ZRANB3: variants seen among roughly 807,000 people sequenced by gnomAD.
ZRANB3 encodes DNA annealing helicase and endonuclease ZRANB3.
Under a neutral mutation model 133.8 loss-of-function variants are expected in ZRANB3, and 125 were observed. The observed-to-expected ratio is 0.93, with a 90% CI of 0.81 to 1.08. The LOEUF (loss-of-function observed/expected upper bound fraction) is 1.08, where lower values mean the gene tolerates loss of function less well. ZRANB3 is among the 50% of genes least tolerant of loss of function. The probability of loss-of-function intolerance (pLI) is 0.00; values close to 1 mark genes in which losing one functional copy is unlikely to be tolerated. For missense variants in ZRANB3, 1,229 were observed against 1,275.5 expected, an observed-to-expected ratio of 0.96 and a Z score of 0.56; for synonymous variants, 387 against 432.7, an observed-to-expected ratio of 0.89 and a Z score of 1.31.
chr2:135,311,285 C>T (rs570804566), intron 8 of ZRANB3, among the ~76,000 whole-genome samples: 23 of 152,058 alleles, frequency 1.5e-4, no homozygotes, highest in South Asian at 4.2e-4. Flanking sequence ...CCGACAATAA[C>T]GGCTAAAATG....
At chr2:135,461,274 T>C (rs1015533452) in intron 2 of ZRANB3, among the ~76,000 whole-genome samples, 1 of 152,138 alleles carries the variant, frequency 6.6e-6, no homozygotes, top group Non-Finnish European at 1.5e-5. Flanking sequence ...ACAACATGCC[T>C]TTAAGATAAA....
intron 11 of ZRANB3, among the ~76,000 whole-genome samples, chr2:135,268,085 T>G (rs1296073944): frequency 1.3e-5 from 2 of 152,158 alleles, no homozygotes; most frequent in Non-Finnish European, 2.9e-5. Context: ...TTTCTGTTAT[T>G]TATAAACTAC....
At chr2:135,233,178 G>T (rs995045642) in intron 12 of ZRANB3, among the ~76,000 whole-genome samples, 1 of 152,198 alleles carries the variant, frequency 6.6e-6, no homozygotes, top group African/African-American at 2.4e-5. Context: ...TGATCAACTG[G>T]AAGAAAGACT....
chr2:135,509,002 G>A (rs894967307), intron 1 of ZRANB3, among the ~76,000 whole-genome samples: 11 of 151,870 alleles, frequency 7.2e-5, no homozygotes, highest in African/African-American at 1.5e-4. Flanking sequence ...ATAGCAAGGC[G>A]GGGGGAGCCT....
intron 2 of ZRANB3, among the ~76,000 whole-genome samples, chr2:135,498,180 C>T (rs1001923430): frequency 2.6e-5 from 4 of 151,878 alleles, no homozygotes; most frequent in South Asian, 2.1e-4. Flanking sequence ...AAAATTAAAA[C>T]AATAAAGCTT....
At chr2:135,394,778 G>A (rs541884173) in intron 2 of ZRANB3, among the ~76,000 whole-genome samples, 1 of 151,914 alleles carries the variant, frequency 6.6e-6, no homozygotes, top group South Asian at 2.1e-4. Flanking sequence ...AGTCAAGAGA[G>A]GGGAAGAATC....
At chr2:135,369,647 G>A (rs1007242194) in intron 3 of ZRANB3, among the ~76,000 whole-genome samples, 5 of 152,048 alleles carry the variant, frequency 3.3e-5, no homozygotes, top group African/African-American at 9.7e-5. Flanking sequence ...TTGTAAAGCC[G>A]AAAAAGTGAG....
intron 1 of ZRANB3, among the ~76,000 whole-genome samples, chr2:135,523,339 C>A (rs1349106337): frequency 6.6e-6 from 1 of 152,200 alleles, no homozygotes; most frequent in Non-Finnish European, 1.5e-5. Flanking sequence ...ACAACAGCTC[C>A]CAACTGGACT....
intron 8 of ZRANB3, among the ~76,000 whole-genome samples, chr2:135,276,921 T>A (rs1341925444): frequency 3.3e-5 from 5 of 152,150 alleles, no homozygotes; most frequent in Admixed American, 3.3e-4. Context: ...GTTTAAGTAG[T>A]TGATTATGTG....
At chr2:135,387,656 G>T (rs982451533) in intron 3 of ZRANB3, among the ~76,000 whole-genome samples, 1 of 152,080 alleles carries the variant, frequency 6.6e-6, no homozygotes, top group Non-Finnish European at 1.5e-5. Context: ...AGTCAAATAG[G>T]TGTAAAATAA....
chr2:135,325,698 A>T (rs1039536826), intron 6 of ZRANB3, among the ~76,000 whole-genome samples: 1 of 152,180 alleles, frequency 6.6e-6, no homozygotes. Context: ...CCCGGCCATG[A>T]GGCAGGCCAA....
At chr2:135,436,800 T>A (rs538705050) in intron 2 of ZRANB3, among the ~76,000 whole-genome samples, 3 of 152,084 alleles carry the variant, frequency 2.0e-5, no homozygotes, top group African/African-American at 7.2e-5. Context: ...AAAGCCCCAA[T>A]AGCCAAGGCA....
In ZRANB3 at chr2:135,198,498, T is replaced by G. The variant is rs1419762153; in HGVS notation, c.*1844A>C. The G allele has an allele frequency of 6.6e-6, 1 of 152,240 alleles. No homozygotes were observed. The highest frequency in any genetic ancestry group is 6.5e-5 in the Admixed American group (1 of 15,288). 9.4% of individuals were successfully genotyped at this position (152,240 alleles called of 1,614,324 possible). On this transcript the variant is annotated 3_prime_UTR_variant, in exon 21 of 21. Transcript: ENST00000264159. ...TCTGAAACCTGGTATAGACTGAGCC[T>G]ATCTTCATGGATTGTTTCACCTCAA...
chr2:135,524,953 T>C (rs1694091258), intron 1 of ZRANB3, among the ~76,000 whole-genome samples: 1 of 152,050 alleles, frequency 6.6e-6, no homozygotes, highest in African/African-American at 2.4e-5. Flanking sequence ...AGATATATAA[T>C]TTTTTTACTA....
intron 2 of ZRANB3, among the ~76,000 whole-genome samples, chr2:135,495,350 G>T (rs565702936): frequency 7.7e-4 from 117 of 152,138 alleles, no homozygotes; most frequent in African/African-American, 2.6e-3. Context: ...TTATAGTATT[G>T]CATATTATTC....
At chr2:135,433,768 G>A (rs1689414808) in intron 2 of ZRANB3, among the ~76,000 whole-genome samples, 1 of 152,156 alleles carries the variant, frequency 6.6e-6, no homozygotes, top group Non-Finnish European at 1.5e-5. Context: ...AGGCCGAGGC[G>A]AGCGGATCAC....
chr2:135,331,064 T>C (rs895529676), intron 6 of ZRANB3, among the ~76,000 whole-genome samples: 1 of 152,210 alleles, frequency 6.6e-6, no homozygotes, highest in Admixed American at 6.5e-5. Flanking sequence ...CCTTCAGTTC[T>C]GCTCTGATAT....
chr2:135,529,084 G>T (rs1034920722), intron 1 of ZRANB3, among the ~76,000 whole-genome samples: 2 of 152,140 alleles, frequency 1.3e-5, no homozygotes, highest in African/African-American at 4.8e-5. Context: ...TCTACCCAAA[G>T]TCTGGTATAG....
intron 19 of ZRANB3, among the ~76,000 whole-genome samples, chr2:135,207,073 G>A (rs1383561053): frequency 6.6e-6 from 1 of 152,078 alleles, no homozygotes; most frequent in Non-Finnish European, 1.5e-5. Flanking sequence ...GCTGAGGCAT[G>A]AGTATCGCTT....
Sources: gnomAD v4.1 joint callset for allele counts (sites outside exome capture counted in the v4.1 genomes callset) on GRCh38, gnomAD v4.1.1 for gene constraint, MANE v1.5 for transcripts, NCBI Gene and HGNC (gene_info 2026-07-23, HGNC 2026-07-21) for gene names.